Variants in CTIF observed in about 807,000 individuals in gnomAD.
The protein encoded by CTIF is cap binding complex dependent translation initiation factor, also known as CBP80/20-dependent translation initiation factor.
CTIF carries 21 observed loss-of-function variants against 66.0 expected under a neutral mutation model. That is an observed-to-expected ratio of 0.32 (90% CI 0.23 to 0.46). CTIF has a LOEUF of 0.46. Ranked by LOEUF, CTIF falls within the 20% of genes least tolerant of loss-of-function variation. The pLI, the probability that CTIF is intolerant of heterozygous loss-of-function variation, is 1.00. For missense variants in CTIF, 739 were observed against 812.7 expected (o/e 0.91, Z 1.10); for synonymous variants, 345 against 326.4 (o/e 1.06, Z -0.62).
chr18:48,720,859 G>A (rs967565373), intron 7 of CTIF, among the ~76,000 whole-genome samples: 4 of 152,148 alleles, frequency 2.6e-5, no homozygotes, highest in Non-Finnish European at 5.9e-5. Flanking sequence ...TGTTGAGGCT[G>A]GCCCACAACT....
chr18:48,559,621 A>G (rs1244224997), intron 1 of CTIF, among the ~76,000 whole-genome samples: 5 of 152,210 alleles, frequency 3.3e-5, no homozygotes, highest in Non-Finnish European at 5.9e-5. Context: ...CTGCAATCAG[A>G]GCTGGAAGAT....
In CTIF at chr18:48,619,545, C is replaced by T. The variant is rs1232376649; in HGVS notation, c.-21C>T. On this transcript the variant is annotated 5_prime_UTR_variant, in exon 2 of 12. Transcript: ENST00000256413. ...TGTCCTCTTTCCCACCAGTCCCGGC[C>T]CAGGCCCCTGAGCTGGAGGGATGGA... 6.0e-6 allele frequency: 9 copies of T among 1,487,720 alleles called. No individual in the cohort carries two copies. The highest frequency in any genetic ancestry group is 7.2e-6 in the Non-Finnish European group (8 of 1,117,678). 92.2% of individuals were successfully genotyped at this position (1,487,720 alleles called of 1,614,324 possible).
intron 6 of CTIF, among the ~76,000 whole-genome samples, chr18:48,689,398 C>G (rs992950995): frequency 2.0e-5 from 3 of 152,222 alleles, no homozygotes; most frequent in African/African-American, 7.2e-5. Context: ...AGCCCGCTCT[C>G]ATTTTAAGTG....
At chr18:48,569,191 G>T (rs1336245404) in intron 1 of CTIF, among the ~76,000 whole-genome samples, 1 of 152,094 alleles carries the variant, frequency 6.6e-6, no homozygotes, top group Non-Finnish European at 1.5e-5. Flanking sequence ...AAGTACTGAG[G>T]GTTAGGGCTT....
At chr18:48,681,993 C>A (rs1271072747) in intron 6 of CTIF, among the ~76,000 whole-genome samples, 1 of 152,028 alleles carries the variant, frequency 6.6e-6, no homozygotes, top group Non-Finnish European at 1.5e-5. Flanking sequence ...ACCATGTTGG[C>A]CAGGCTGGTC....
chr18:48,713,848 A>T (rs1294961463), intron 7 of CTIF, among the ~76,000 whole-genome samples: 1 of 152,178 alleles, frequency 6.6e-6, no homozygotes, highest in African/African-American at 2.4e-5. Context: ...AAACATCTTG[A>T]CCATTTGGGG....
intron 9 of CTIF, among the ~76,000 whole-genome samples, chr18:48,809,861 T>C (rs981437621): frequency 6.6e-6 from 1 of 151,938 alleles, no homozygotes; most frequent in African/African-American, 2.4e-5. Context: ...TTTTTCTATA[T>C]CATATCTGTT....
At chr18:48,813,837 C>T (rs924659785) in intron 9 of CTIF, among the ~76,000 whole-genome samples, 3 of 152,230 alleles carry the variant, frequency 2.0e-5, no homozygotes, top group African/African-American at 4.8e-5. Flanking sequence ...TTAAAGGACA[C>T]AGCATTTCAC....
At position 48,691,188 on chromosome 18, in the gene CTIF, A is replaced by G. The variant is rs201500573; in HGVS notation, c.508-20431A>G. 3.9e-5 allele frequency among the ~76,000 whole-genome samples: 6 copies of G among 152,296 alleles called. No individual in the cohort carries two copies. In the East Asian group the frequency reaches 7.7e-4, roughly 20 times the overall value. On this transcript the variant is annotated intron_variant, in intron 6 of 11. Transcript: ENST00000256413. ...CACTCTGCCGGCATTGTTTCAGTCC[A>G]CTGTAGTATGGGAAAAGTCTCCCGG... is the stretch of plus-strand genomic sequence containing the variant.
At chr18:48,700,911 A>G (rs2092076371) in intron 6 of CTIF, among the ~76,000 whole-genome samples, 1 of 151,802 alleles carries the variant, frequency 6.6e-6, no homozygotes, top group Admixed American at 6.6e-5. Context: ...GTTGAGCATC[A>G]CTCCTCTTCT....
At chr18:48,585,595 G>C (rs1171067372) in intron 1 of CTIF, among the ~76,000 whole-genome samples, 1 of 152,196 alleles carries the variant, frequency 6.6e-6, no homozygotes, top group Non-Finnish European at 1.5e-5. Context: ...TGGAGACTTG[G>C]CAGGTGGCGC....
At chr18:48,733,793 C>G (rs1014447032) in intron 7 of CTIF, among the ~76,000 whole-genome samples, 1 of 152,202 alleles carries the variant, frequency 6.6e-6, no homozygotes, top group Non-Finnish European at 1.5e-5. Context: ...CACTCAGCTC[C>G]CACCAGCCCA....
intron 7 of CTIF, among the ~76,000 whole-genome samples, chr18:48,719,786 A>G (rs1029774651): frequency 1.3e-5 from 2 of 152,182 alleles, no homozygotes; most frequent in African/African-American, 2.4e-5. Context: ...GCTATTTTAA[A>G]TGGCTCCTAA....
chr18:48,762,329 A>G (rs1312925363), intron 9 of CTIF, among the ~76,000 whole-genome samples: 1 of 152,160 alleles, frequency 6.6e-6, no homozygotes. Context: ...CAGTGGTTCT[A>G]TCAGCATGAG....
chr18:48,548,048 C>A (rs186195786), intron 1 of CTIF, among the ~76,000 whole-genome samples: 6 of 152,258 alleles, frequency 3.9e-5, no homozygotes, highest in Admixed American at 1.3e-4. Context: ...CAATGCTGGG[C>A]GCTCTCTGTG....
intron 1 of CTIF, among the ~76,000 whole-genome samples, chr18:48,587,520 C>A (rs1056036842): frequency 6.6e-6 from 1 of 152,208 alleles, no homozygotes; most frequent in African/African-American, 2.4e-5. Context: ...CTGGTCTGTG[C>A]TGTGGCATGC....
chr18:48,628,968 G>C (rs1645531070), intron 2 of CTIF, among the ~76,000 whole-genome samples: 1 of 152,218 alleles, frequency 6.6e-6, no homozygotes, highest in Non-Finnish European at 1.5e-5. Context: ...CATGTGCCCA[G>C]GAGAAAGGAA....
At chr18:48,546,376 G>A (rs184929638) in intron 1 of CTIF, among the ~76,000 whole-genome samples, 1 of 152,304 alleles carries the variant, frequency 6.6e-6, no homozygotes, top group East Asian at 1.9e-4. Flanking sequence ...TCTGGGGTGG[G>A]AGGTCAGTCA....
At chr18:48,652,660 C>T (rs1433187431) in intron 3 of CTIF, among the ~76,000 whole-genome samples, 5 of 152,056 alleles carry the variant, frequency 3.3e-5, no homozygotes, top group South Asian at 4.1e-4. Context: ...TACCAAAGCC[C>T]GGCAGAGACA....
Sources: gnomAD v4.1 joint callset for allele counts (sites outside exome capture counted in the v4.1 genomes callset) on GRCh38, gnomAD v4.1.1 for gene constraint, MANE v1.5 for transcripts, NCBI Gene and HGNC (gene_info 2026-07-23, HGNC 2026-07-21) for gene names.